LARGE1: variants seen among roughly 807,000 people sequenced by gnomAD.
LARGE1 encodes LARGE xylosyl- and glucuronyltransferase 1.
A neutral mutation model predicts 87.6 loss-of-function variants in LARGE1; 43 were observed. The observed-to-expected ratio is 0.49, with a 90% CI of 0.38 to 0.63. The LOEUF (loss-of-function observed/expected upper bound fraction) is 0.63, where lower values mean the gene tolerates loss of function less well. Ranked by LOEUF, LARGE1 falls within the 30% of genes least tolerant of loss-of-function variation. The pLI is 0.00. For missense variants in LARGE1, 802 were observed against 1,000.2 expected (o/e 0.80, Z 2.67); for synonymous variants, 434 against 394.6 (o/e 1.10, Z -1.18).
chr22:33,622,369 G>T (rs929416885), intron 4 of LARGE1, among the ~76,000 whole-genome samples: 1 of 152,030 alleles, frequency 6.6e-6, no homozygotes, highest in Non-Finnish European at 1.5e-5. Flanking sequence ...CCTTGCTCCC[G>T]CTTCACCTTC....
chr22:33,588,035 C>T (rs1053425460), intron 5 of LARGE1, among the ~76,000 whole-genome samples: 7 of 152,106 alleles, frequency 4.6e-5, no homozygotes, highest in Admixed American at 1.3e-4. Flanking sequence ...TTTATGTTCA[C>T]GGCAGATAAA....
At chr22:33,857,951 C>T (rs1430480334) in intron 1 of LARGE1, among the ~76,000 whole-genome samples, 2 of 152,136 alleles carry the variant, frequency 1.3e-5, no homozygotes, top group East Asian at 1.9e-4. Context: ...CGTGGCGGGC[C>T]GCTTCCAAAA....
chr22:33,685,639 C>G (rs2081922176), intron 2 of LARGE1, among the ~76,000 whole-genome samples: 1 of 152,168 alleles, frequency 6.6e-6, no homozygotes, highest in African/African-American at 2.4e-5. Flanking sequence ...TATTTCCACT[C>G]AAGTCTGTGA....
At chr22:33,582,916 C>A (rs1296407506) in intron 5 of LARGE1, among the ~76,000 whole-genome samples, 1 of 152,220 alleles carries the variant, frequency 6.6e-6, no homozygotes, top group Admixed American at 6.5e-5. Context: ...CAACCAGGAA[C>A]ACCTCTTTGC....
chr22:33,569,037 C>T (rs1025726993), intron 5 of LARGE1, among the ~76,000 whole-genome samples: 14 of 152,260 alleles, frequency 9.2e-5, no homozygotes, highest in East Asian at 3.9e-4. Flanking sequence ...GAGCCATCAC[C>T]GTTAAGATCC....
chr22:33,158,431 A>G (rs1003322403), downstream of LARGE1, among the ~76,000 whole-genome samples: 2 of 152,194 alleles, frequency 1.3e-5, no homozygotes, highest in African/African-American at 2.4e-5. Context: ...TTAGAAACCA[A>G]CTTAGGTTGT....
Position 33,644,170 on chromosome 22 carries a change from C to T in LARGE1, c.408+6197G>A, listed in dbSNP as rs1041353013. On this transcript the variant is annotated intron_variant, in intron 3 of 14. Transcript: ENST00000397394. Reference sequence around the variant, plus strand: ...CAATGTGAAAATCCTCGGTAAAATACCGGCAAACCGAATCCAGCAGCACAT... The same window carrying T: ...CAATGTGAAAATCCTCGGTAAAATATCGGCAAACCGAATCCAGCAGCACAT... Among the ~76,000 whole-genome samples, 4 of 152,168 alleles carry T rather than the reference C, an allele frequency of 2.6e-5. No homozygotes were observed. The East Asian group carries it at 7.7e-4, about 29-fold the overall frequency.
chr22:33,728,678 G>A (rs536318859), intron 2 of LARGE1, among the ~76,000 whole-genome samples: 3 of 151,842 alleles, frequency 2.0e-5, no homozygotes, highest in African/African-American at 7.2e-5. Context: ...AGTAGGCAAT[G>A]CCTGTTAGGC....
At chr22:33,072,970 C>T in the LARGE1 span, among the ~76,000 whole-genome samples, 1 of 152,202 alleles carries the variant, frequency 6.6e-6, no homozygotes, top group African/African-American at 2.4e-5. Context: ...CATTTCTAGG[C>T]AAGGGAGAAA....
intron 1 of LARGE1, among the ~76,000 whole-genome samples, chr22:33,888,838 C>G (rs1028479011): frequency 6.6e-6 from 1 of 152,200 alleles, no homozygotes; most frequent in Non-Finnish European, 1.5e-5. Flanking sequence ...GCCTGGGCAA[C>G]AGGGCAAGAC....
chr22:33,346,277 TTCCTCC>T (rs139892437), intron 9 of LARGE1, among the ~76,000 whole-genome samples: 1,912 of 149,500 alleles, frequency 0.013, 12 homozygotes, highest in Non-Finnish European at 0.019. Flanking sequence ...CTCTCTTTCT[TTCCTCC>T]TCCTCCTCCT....
chr22:33,507,654 G>A (rs1166444048), intron 6 of LARGE1, among the ~76,000 whole-genome samples: 3 of 152,170 alleles, frequency 2.0e-5, no homozygotes, highest in Non-Finnish European at 4.4e-5. Flanking sequence ...GTACCACAAC[G>A]TGAATGCACT....
At chr22:33,352,131 C>G (rs1476971600) in intron 9 of LARGE1, among the ~76,000 whole-genome samples, 1 of 152,166 alleles carries the variant, frequency 6.6e-6, no homozygotes, top group Non-Finnish European at 1.5e-5. Flanking sequence ...ATGTGGGCAT[C>G]ATGTACCTCC....
At chr22:33,468,673 C>T (rs185308426) in intron 6 of LARGE1, among the ~76,000 whole-genome samples, 8 of 152,216 alleles carry the variant, frequency 5.3e-5, no homozygotes, top group Admixed American at 4.6e-4. Context: ...ATATATTAAT[C>T]CCCGTTTGTA....
intron 7 of LARGE1, among the ~76,000 whole-genome samples, chr22:33,420,961 GTGAATCACC>G (rs1172900907): frequency 6.6e-6 from 1 of 152,188 alleles, no homozygotes; most frequent in Non-Finnish European, 1.5e-5. Flanking sequence ...GCCGAGGGGG[GTGAATCACC>G]TGAGGTCAGG....
intron 5 of LARGE1, among the ~76,000 whole-genome samples, chr22:33,570,959 A>G (rs1254348025): frequency 6.6e-6 from 1 of 152,172 alleles, no homozygotes; most frequent in Non-Finnish European, 1.5e-5. Context: ...TTTTCCCGAG[A>G]GCACCCCATA....
chr22:33,241,230 C>G (rs1181106617), intron 11 of LARGE1, among the ~76,000 whole-genome samples: 1 of 152,070 alleles, frequency 6.6e-6, no homozygotes, highest in Non-Finnish European at 1.5e-5. Flanking sequence ...CTCTCTCTCT[C>G]ACATCTGGAC....
intron 1 of LARGE1, among the ~76,000 whole-genome samples, chr22:33,807,358 T>C (rs1385641273): frequency 6.6e-6 from 1 of 152,220 alleles, no homozygotes; most frequent in African/African-American, 2.4e-5. Flanking sequence ...ACCAGGTCTT[T>C]AGTTTTTTAA....
At chr22:33,184,795 T>C (rs192599694) in intron 11 of LARGE1, among the ~76,000 whole-genome samples, 3 of 152,202 alleles carry the variant, frequency 2.0e-5, no homozygotes, top group Admixed American at 1.3e-4. Flanking sequence ...GATGGCAAAT[T>C]AGCATGTTTA....
Sources: gnomAD v4.1 joint callset for allele counts (sites outside exome capture counted in the v4.1 genomes callset) on GRCh38, gnomAD v4.1.1 for gene constraint, MANE v1.5 for transcripts, NCBI Gene and HGNC (gene_info 2026-07-23, HGNC 2026-07-21) for gene names.